The following KAZN variants were observed in gnomAD, a reference collection of about 807,000 sequenced individuals.
The protein encoded by KAZN is kazrin.
In KAZN, 40 loss-of-function variants were observed where a neutral mutation model predicts 87.4. The observed-to-expected ratio is 0.46, with a 90% CI of 0.36 to 0.60. The LOEUF (loss-of-function observed/expected upper bound fraction) is 0.60. KAZN is among the 20% of genes least tolerant of loss of function. The pLI, the probability that KAZN is intolerant of heterozygous loss-of-function variation, is 0.00. For synonymous variants in KAZN, 466 were observed against 458.3 expected, an observed-to-expected ratio of 1.02 and a Z score of -0.22; for missense variants, 898 against 1,073.9, an observed-to-expected ratio of 0.84 and a Z score of 2.29.
At chr1:13,929,253 C>T (rs1419470328) in intron 1 of KAZN, among the ~76,000 whole-genome samples, 3 of 151,946 alleles carry the variant, frequency 2.0e-5, no homozygotes, top group Non-Finnish European at 4.4e-5. Context: ...CCCCTTGGAC[C>T]CAGGAGTGGC....
At chr1:14,320,876 G>C (rs979222099) in intron 2 of KAZN, among the ~76,000 whole-genome samples, 1 of 152,146 alleles carries the variant, frequency 6.6e-6, no homozygotes, top group African/African-American at 2.4e-5. Flanking sequence ...ATGTCCATGG[G>C]ATTCAAATTC....
chr1:14,048,930 CTGT>C (rs993401740), intron 1 of KAZN, among the ~76,000 whole-genome samples: 1 of 152,174 alleles, frequency 6.6e-6, no homozygotes, highest in Non-Finnish European at 1.5e-5. Context: ...TCTCCAGCAC[CTGT>C]TGTTTCCTGA....
Position 14,844,750 on chromosome 1 carries a change from G to C in KAZN, c.227-115934G>C, listed in dbSNP as rs921706516. ...CCAGGTTGGTAGGGCAGCCTGAGAAGGTGGCAGCTTCACAGTCAGGAAACT... is the reference window on the plus strand; with the variant it reads ...CCAGGTTGGTAGGGCAGCCTGAGAACGTGGCAGCTTCACAGTCAGGAAACT... On this transcript the variant is annotated intron_variant, in intron 1 of 14. Coordinates refer to ENST00000376030, the MANE Select transcript of KAZN (RefSeq NM_201628.3). Among the ~76,000 whole-genome samples the C allele has an allele frequency of 2.0e-5, 3 of 152,050 alleles. No individual in the cohort carries two copies. The South Asian group carries it at 6.2e-4, about 32-fold the overall frequency.
chr1:14,498,785 C>G (rs1242353794), intron 2 of KAZN, among the ~76,000 whole-genome samples: 6 of 151,926 alleles, frequency 3.9e-5, no homozygotes, highest in Non-Finnish European at 1.5e-5. Flanking sequence ...TCCTGGGTCC[C>G]TCCCTCCAAG....
At chr1:14,986,021 AAAAGG>A (rs1195961513) in intron 2 of KAZN, among the ~76,000 whole-genome samples, 1 of 151,134 alleles carries the variant, frequency 6.6e-6, no homozygotes, top group Non-Finnish European at 1.5e-5. Flanking sequence ...AAAAAAAAAA[AAAAGG>A]AAAGAAAGAC....
At chr1:14,226,846 C>T (rs925174820) in intron 2 of KAZN, among the ~76,000 whole-genome samples, 4 of 116,130 alleles carry the variant, frequency 3.4e-5, no homozygotes, top group East Asian at 2.6e-4. Flanking sequence ...TGCTAAACAT[C>T]GTGTACGCAT....
chr1:13,958,050 T>C (rs1263678399), intron 1 of KAZN, among the ~76,000 whole-genome samples: 1 of 152,208 alleles, frequency 6.6e-6, no homozygotes, highest in Non-Finnish European at 1.5e-5. Flanking sequence ...GCATGAATAT[T>C]CACCTCATTC....
chr1:14,380,564 C>T (rs1661281563), intron 2 of KAZN, among the ~76,000 whole-genome samples: 1 of 152,038 alleles, frequency 6.6e-6, no homozygotes, highest in Non-Finnish European at 1.5e-5. Context: ...TTGGAAAACG[C>T]AATTAACATA....
chr1:15,061,213 G>A (rs1268584416), intron 6 of KAZN: 1 of 152,216 alleles, frequency 6.6e-6, no homozygotes, highest in Non-Finnish European at 1.5e-5. Context: ...AGAATAACTT[G>A]AAAAGCTATT....
intron 1 of KAZN, among the ~76,000 whole-genome samples, chr1:14,766,307 G>A (rs940472597): frequency 6.6e-6 from 1 of 151,950 alleles, no homozygotes; most frequent in Non-Finnish European, 1.5e-5. Flanking sequence ...GCAGCTGGAA[G>A]TTGCCCCCAG....
intron 1 of KAZN, among the ~76,000 whole-genome samples, chr1:14,010,007 C>T (rs1244905634): frequency 6.6e-6 from 1 of 152,162 alleles, no homozygotes; most frequent in Non-Finnish European, 1.5e-5. Context: ...TTGCCCAAGA[C>T]TATTGTAGAC....
chr1:14,068,810 T>G (rs1375790865), intron 1 of KAZN, among the ~76,000 whole-genome samples: 2 of 151,788 alleles, frequency 1.3e-5, no homozygotes, highest in African/African-American at 2.4e-5. Context: ...TTTTTTTTTT[T>G]TTTTTTGAGA....
chr1:14,134,340 TGTTG>T (rs1645058946), intron 1 of KAZN, among the ~76,000 whole-genome samples: 1 of 152,240 alleles, frequency 6.6e-6, no homozygotes, highest in African/African-American at 2.4e-5. Context: ...CCTCCCTAGA[TGTTG>T]AAACAACTGT....
intron 1 of KAZN, among the ~76,000 whole-genome samples, chr1:14,683,784 T>G (rs1050715088): frequency 1.3e-5 from 2 of 152,218 alleles, no homozygotes; most frequent in Non-Finnish European, 2.9e-5. Flanking sequence ...CAGTGCGTGC[T>G]TCCTCTCCAC....
chr1:15,086,355 G>C (rs1322149185), intron 8 of KAZN, among the ~76,000 whole-genome samples: 3 of 152,178 alleles, frequency 2.0e-5, no homozygotes, highest in African/African-American at 7.2e-5. Flanking sequence ...GAAGACCCAC[G>C]ATCATGAAAC....
At chr1:13,908,583 G>A (rs1385646312) in intron 1 of KAZN, among the ~76,000 whole-genome samples, 3 of 152,224 alleles carry the variant, frequency 2.0e-5, no homozygotes, top group Non-Finnish European at 4.4e-5. Context: ...ACTTGGAGCC[G>A]TGTCGAAGCC....
chr1:13,968,840 C>A (rs1642035708), intron 1 of KAZN, among the ~76,000 whole-genome samples: 1 of 152,164 alleles, frequency 6.6e-6, no homozygotes, highest in South Asian at 2.1e-4. Flanking sequence ...TTGATCCCAT[C>A]CAGTCTCATG....
intron 1 of KAZN, among the ~76,000 whole-genome samples, chr1:13,990,976 T>A (rs996458793): frequency 6.6e-6 from 1 of 152,190 alleles, no homozygotes. Flanking sequence ...TGGTGACTTA[T>A]AACAACTATT....
chr1:14,528,748 CAA>C (rs36033087), intron 2 of KAZN, among the ~76,000 whole-genome samples: 65 of 66,946 alleles, frequency 9.7e-4, no homozygotes, highest in African/African-American at 3.1e-3. Context: ...GACCCTGTCT[CAA>C]AAAAAAAAAA....
Sources: gnomAD v4.1 joint callset for allele counts (sites outside exome capture counted in the v4.1 genomes callset) on GRCh38, gnomAD v4.1.1 for gene constraint, MANE v1.5 for transcripts, NCBI Gene and HGNC (gene_info 2026-07-23, HGNC 2026-07-21) for gene names.